SV2C: variants seen among roughly 807,000 people sequenced by gnomAD.
SV2C encodes the protein synaptic vesicle glycoprotein 2C.
SV2C carries 49 observed loss-of-function variants against 79.7 expected under a neutral mutation model. That is an observed-to-expected ratio of 0.61 (90% CI 0.49 to 0.78). SV2C has a LOEUF of 0.78. Ranked by LOEUF, SV2C falls within the 30% of genes least tolerant of loss-of-function variation. SV2C has a pLI of 0.00. For missense variants in SV2C, 833 were observed against 912.9 expected, an observed-to-expected ratio of 0.91 and a Z score of 1.13; for synonymous variants, 334 against 333.2, an observed-to-expected ratio of 1.00 and a Z score of -0.03.
At chr5:76,032,623 A>G in the SV2C span, among the ~76,000 whole-genome samples, 1 of 152,234 alleles carries the variant, frequency 6.6e-6, no homozygotes, top group Non-Finnish European at 1.5e-5. Context: ...TATATATGCC[A>G]CATTTTCTTA....
chr5:76,020,919 T>G, the SV2C span, among the ~76,000 whole-genome samples: 1 of 152,158 alleles, frequency 6.6e-6, no homozygotes. Flanking sequence ...TCTGAATGAT[T>G]TTACTGAAGT....
At chr5:76,056,598 T>A in the SV2C span, among the ~76,000 whole-genome samples, 1 of 151,282 alleles carries the variant, frequency 6.6e-6, no homozygotes, top group Non-Finnish European at 1.5e-5. Flanking sequence ...AGAATGTGGC[T>A]GTGAATCTGT....
chr5:75,956,703 A>C, the SV2C span, among the ~76,000 whole-genome samples: 12 of 151,920 alleles, frequency 7.9e-5, no homozygotes, highest in Non-Finnish European at 1.8e-4. Context: ...AGGGAGTAGA[A>C]TCCTTGATTT....
chr5:76,207,346 G>A (rs987609054), intron 3 of SV2C, among the ~76,000 whole-genome samples: 1 of 152,050 alleles, frequency 6.6e-6, no homozygotes, highest in Non-Finnish European at 1.5e-5. Context: ...GTAAAAACTA[G>A]GACTATTTTT....
chr5:76,267,033 A>T (rs1403099588), intron 4 of SV2C, among the ~76,000 whole-genome samples: 1 of 152,176 alleles, frequency 6.6e-6, no homozygotes, highest in East Asian at 1.9e-4. Flanking sequence ...AAAGGCATAA[A>T]TATGTGGCAA....
chr5:75,868,665 G>A, the SV2C span, among the ~76,000 whole-genome samples: 5 of 152,192 alleles, frequency 3.3e-5, no homozygotes, highest in Admixed American at 3.3e-4. Flanking sequence ...GTCATAAGCT[G>A]AGGGTGGTGA....
intron 4 of SV2C, among the ~76,000 whole-genome samples, chr5:76,252,287 T>C (rs1181401641): frequency 1.3e-5 from 2 of 152,100 alleles, no homozygotes; most frequent in Non-Finnish European, 2.9e-5. Flanking sequence ...GCCCAGCTAA[T>C]TTTTTGTATT....
chr5:75,897,333 C>T, the SV2C span, among the ~76,000 whole-genome samples: 4 of 151,836 alleles, frequency 2.6e-5, no homozygotes, highest in African/African-American at 9.7e-5. Context: ...GAATCCTTTC[C>T]TCATTGCTTG....
chr5:76,109,747 A>G (rs1748040663), intron 1 of SV2C, among the ~76,000 whole-genome samples: 1 of 152,148 alleles, frequency 6.6e-6, no homozygotes, highest in Non-Finnish European at 1.5e-5. Flanking sequence ...GGAAGCTGGG[A>G]AGAGGCAAGA....
At chr5:76,099,835 GT>G (rs1202658492) in intron 1 of SV2C, among the ~76,000 whole-genome samples, 1 of 152,114 alleles carries the variant, frequency 6.6e-6, no homozygotes, top group African/African-American at 2.4e-5. Flanking sequence ...ACCATTTCAA[GT>G]TTAATTCTAA....
the SV2C span, among the ~76,000 whole-genome samples, chr5:76,053,766 T>C: frequency 6.6e-6 from 1 of 152,156 alleles, no homozygotes; most frequent in Non-Finnish European, 1.5e-5. Flanking sequence ...AAGAGATTAC[T>C]GGATTCTGGG....
chr5:75,951,316 G>A, the SV2C span, among the ~76,000 whole-genome samples: 2 of 152,034 alleles, frequency 1.3e-5, no homozygotes, highest in African/African-American at 4.8e-5. Context: ...TTTTGGTGGT[G>A]AGCCAGCTGC....
At chr5:76,309,713 AG>A (rs781150716) in intron 12 of SV2C, among the ~76,000 whole-genome samples, 1 of 152,088 alleles carries the variant, frequency 6.6e-6, no homozygotes, top group Non-Finnish European at 1.5e-5. Context: ...CATTCAACAA[AG>A]CTTGGTGCTT....
intron 2 of SV2C, among the ~76,000 whole-genome samples, chr5:76,150,714 T>C (rs28709896): frequency 0.076 from 10,243 of 135,434 alleles, 876 homozygotes; most frequent in East Asian, 0.42. Context: ...CATGGCTCAC[T>C]GCAGTTTCAA....
intron 2 of SV2C, among the ~76,000 whole-genome samples, chr5:76,191,094 A>G (rs4704293): frequency 0.54 from 79,562 of 147,518 alleles, 20,201 homozygotes; most frequent in South Asian, 0.64. Flanking sequence ...GTGGCTGGGG[A>G]GGCCTCAGGA....
chr5:76,193,549 A>G (rs1184598997), intron 2 of SV2C, among the ~76,000 whole-genome samples: 1 of 152,230 alleles, frequency 6.6e-6, no homozygotes, highest in Non-Finnish European at 1.5e-5. Flanking sequence ...TATTCAAAAT[A>G]ATTAATAACA....
chr5:76,351,987 T>C (rs1487005007), intron 12 of SV2C, among the ~76,000 whole-genome samples: 2 of 152,118 alleles, frequency 1.3e-5, no homozygotes, highest in African/African-American at 4.8e-5. Flanking sequence ...CCAAGGTGGG[T>C]GGATCACCTG....
chr5:75,987,894 A>G, the SV2C span, among the ~76,000 whole-genome samples: 1 of 152,020 alleles, frequency 6.6e-6, no homozygotes, highest in African/African-American at 2.4e-5. Context: ...TTGTGTGAGA[A>G]TCTTAACTCC....
intron 2 of SV2C, chr5:76,173,684 C>T (rs1431265071): frequency 9.9e-6 from 16 of 1,613,854 alleles, no homozygotes; most frequent in Non-Finnish European, 1.4e-5. Context: ...TGGAGTTTTT[C>T]TGTTAATTTG....
Sources: allele counts gnomAD v4.1 joint callset (sites outside exome capture counted in the v4.1 genomes callset), GRCh38; gene constraint gnomAD v4.1.1; transcripts MANE v1.5; gene names NCBI Gene and HGNC (gene_info 2026-07-23, HGNC 2026-07-21).